The following LAMA5 variants were observed in gnomAD, a reference collection of about 807,000 sequenced individuals.
LAMA5 encodes laminin subunit alpha 5.
LAMA5 carries 260 observed loss-of-function variants against 433.4 expected under a neutral mutation model. The ratio of observed to expected loss-of-function variants is 0.60; its 90% CI spans 0.54 to 0.66. The LOEUF is 0.66. Ranked by LOEUF, LAMA5 falls within the 30% of genes least tolerant of loss-of-function variation. The pLI is 0.00. For missense variants in LAMA5, 5,378 were observed against 5,258.5 expected (o/e 1.02, Z -0.70); for synonymous variants, 2,620 against 2,226.6 (o/e 1.18, Z -4.97).
chr20:62,311,816 T>TGGGCCCCCCG, intron 70 of LAMA5, 32 bp from the exon 71 acceptor site: 1 of 1,521,012 alleles, frequency 6.6e-7, no homozygotes, highest in Non-Finnish European at 8.9e-7. Flanking sequence ...GCTCGGTTTT[T>TGGGCCCCCCG]CCCCACCCTG....
chr20:62,327,141 C>A (rs3810544), intron 38 of LAMA5, 92 bp downstream of exon 38: 11 of 1,311,004 alleles, frequency 8.4e-6, no homozygotes, highest in South Asian at 1.5e-5. Flanking sequence ...GGAGCTCCCC[C>A]TCCCTGGACA....
intron 68 of LAMA5, 32 bp downstream of exon 68, chr20:62,312,368 A>G (rs1359591331): frequency 6.2e-7 from 1 of 1,601,002 alleles, no homozygotes; most frequent in Non-Finnish European, 8.5e-7. Flanking sequence ...ATGTCCACAG[A>G]TGCCACCCCC....
intron 51 of LAMA5, 79 bp downstream of exon 51, chr20:62,319,605 G>C (rs562496244): frequency 4.9e-6 from 5 of 1,010,790 alleles, no homozygotes; most frequent in Non-Finnish European, 5.9e-6. Flanking sequence ...TCCAGGCCAA[G>C]CTCGGCCAGG....
chr20:62,322,406 C>T lies in LAMA5; in HGVS notation c.6209G>A (p.Cys2070Tyr), dbSNP rs982489056. Residue 2070 changes from cysteine to tyrosine, a missense_variant, in exon 47 of 80, where the codon TGT (cysteine) becomes TAT (tyrosine). Cys to Tyr is a radical substitution (Grantham distance 194). Coordinates refer to ENST00000252999, the MANE Select transcript of LAMA5 (RefSeq NM_005560.6). Reference sequence around the variant, plus strand: ...GCCCTCGGCGGCCGGTCCACAAGCACACGGGCGGCAGCCCCCGCAGCCATC... The same window carrying T: ...GCCCTCGGCGGCCGGTCCACAAGCATACGGGCGGCAGCCCCCGCAGCCATC... Reference protein sequence around the residue: ...GFDGCGGCRPCACGPAAEGSE... With the variant: ...GFDGCGGCRPYACGPAAEGSE... The T allele has an allele frequency of 1.3e-6, 2 of 1,593,584 alleles. No homozygotes were observed. Among genetic ancestry groups the T allele is most frequent in the African/African-American group, 1.3e-5 (1 of 74,556 alleles).
rs62204515 is a variant in LAMA5, at chr20:62,323,304, G to A, written c.6064+152C>T. 143,245 of 671,534 alleles carry A rather than the reference G, an allele frequency of 0.21. 15,859 individuals carry two copies. The highest frequency in any genetic ancestry group is 0.24 in the African/African-American group (13,192 of 54,474). The allele number at this position is 671,534 out of a possible 1,614,324, so 41.6% of individuals were successfully genotyped here. On this transcript the variant is annotated intron_variant, in intron 45 of 79. Coordinates refer to ENST00000252999, the MANE Select transcript of LAMA5 (RefSeq NM_005560.6). Reference sequence around the variant, plus strand: ...GGACCGGATCATAGCGGGGGAGAAAGGGTTGACCATGAACCCAGAAGGCTG... The same window carrying A: ...GGACCGGATCATAGCGGGGGAGAAAAGGTTGACCATGAACCCAGAAGGCTG...
rs771613583 is a variant in LAMA5 at position 62,333,237 on chromosome 20, G to C, written c.3135C>G (p.Leu1045=). The change falls in exon 26 of 80, where the codon CTC becomes CTG. Residue 1045 remains leucine (L), a synonymous_variant. Transcript: ENST00000252999. ...CATCCAGGGGGAGGTGTGTGTAGAG[G>C]AGGCAGCTGGGGGGACACAGGCCGT... The part of the protein sequence containing the change: ...PSAQQSGDNC[L]LYTHLPLDGF... 38 of 1,546,350 alleles carry C rather than the reference G, an allele frequency of 2.5e-5. No individual in the cohort carries two copies. The highest frequency in any genetic ancestry group is 3.2e-5 in the Non-Finnish European group (37 of 1,144,028).
In LAMA5 at chr20:62,337,869, G is replaced by C. The variant is rs917054745; in HGVS notation, c.1961C>G (p.Pro654Arg). 6.2e-7 allele frequency: 1 copy of C among 1,612,604 alleles called. No homozygotes were observed. Among genetic ancestry groups the C allele is most frequent in the Non-Finnish European group, 8.5e-7 (1 of 1,179,890 alleles). Residue 654 changes from proline to arginine, a missense_variant, in exon 15 of 80, where the codon CCC becomes CGC. Transcript: ENST00000252999. ...CTGGCAGGCAGTGCCTGTGTAGCCG[G>C]GGCGGCAGCGGCACAAACCTCCCGC... ...CGAGGLCRCR[P>R]GYTGTACQEC... is the part of the protein sequence containing the mutation.
At position 62,318,471 on chromosome 20, in the gene LAMA5, G is replaced by A. The variant is rs201111971; in HGVS notation, c.7222C>T (p.Arg2408Cys). 1.2e-4 allele frequency: 187 copies of A among 1,606,074 alleles called. No individual in the cohort carries two copies. The highest frequency in any genetic ancestry group is 2.1e-4 in the South Asian group (19 of 91,024). Residue 2408 changes from arginine (R) to cysteine (C), a missense_variant, in exon 53 of 80, where the codon CGC becomes TGC. Physicochemically the swap from Arg to Cys is radical, Grantham distance 180. Transcript: ENST00000252999. Reference protein sequence around the residue: ...AQELNSRNQERLEEALQRKQE... With the variant: ...AQELNSRNQECLEEALQRKQE... The stretch of plus-strand genomic sequence containing the variant: ...GTCCTCACCAGGGCTTCCTCCAGGC[G>A]CTCCTGGTTGCGGCTGTTGAGCTCC...
At position 62,335,180 on chromosome 20, in the gene LAMA5, G is replaced by A. The variant is rs1438870748; in HGVS notation, c.2376+37C>T. The A allele has an allele frequency of 1.9e-6, 3 of 1,612,368 alleles. No individual in the cohort carries two copies. In the East Asian group the frequency reaches 6.7e-5, roughly 36 times the overall value. On this transcript the variant is annotated intron_variant, in intron 19 of 79. Transcript: ENST00000252999. ...GGCAGGGGAGGGTCCTGACCAGTGT[G>A]CCCCCAAATCCCCCACACCTTGGTC...
chr20:62,336,772 G>T lies in LAMA5; in HGVS notation c.2179C>A (p.Pro727Thr). The T allele has an allele frequency of 6.2e-7, 1 of 1,612,860 alleles. No individual in the cohort carries two copies. Among genetic ancestry groups the T allele is most frequent in the Non-Finnish European group, 8.5e-7 (1 of 1,179,978 alleles). ...GGATCCACTGGGGCCAGACCGGCAG[G>T]GTGGCAAGAGCCAGCTGTGAAGAGA... ...FPYCEAGSCH[P>T]AGLAPVDPAL... Residue 727 changes from proline (P) to threonine (T), a missense_variant, in exon 17 of 80, where the codon CCT becomes ACT. Transcript: ENST00000252999.
chr20:62,340,900 T>C (rs1302298507), intron 11 of LAMA5, among the ~76,000 whole-genome samples: 2 of 151,264 alleles, frequency 1.3e-5, no homozygotes, highest in Non-Finnish European at 2.9e-5. Context: ...CCAAGTATGG[T>C]GGTGGGCGCC....
intron 6 of LAMA5, among the ~76,000 whole-genome samples, chr20:62,348,793 TGAAGTG>T (rs1568969259): frequency 6.6e-6 from 1 of 151,882 alleles, no homozygotes; most frequent in Non-Finnish European, 1.5e-5. Flanking sequence ...AGAGATTTAG[TGAAGTG>T]GAAGAGGAGC....
chr20:62,366,505 A>G (rs1180085715), intron 1 of LAMA5, among the ~76,000 whole-genome samples: 4 of 152,084 alleles, frequency 2.6e-5, no homozygotes, highest in Admixed American at 2.6e-4. Flanking sequence ...GGCTAGTGGG[A>G]GCCTCAGGTG....
rs1986221531 is a variant in LAMA5 at position 62,311,114 on chromosome 20, C to T, written c.10089-20G>A. On this transcript the variant is annotated intron_variant, in intron 73 of 79. Transcript: ENST00000252999. ...CTGGGCCTGGAAGCGGAGCTGGCGT[C>T]AGCCTGCGCGGCCCCTCTCAGCCCA... is the stretch of plus-strand genomic sequence containing the variant. 7.7e-6 allele frequency: 12 copies of T among 1,565,452 alleles called. No homozygotes were observed. Among genetic ancestry groups the T allele is most frequent in the Non-Finnish European group, 1.0e-5 (12 of 1,154,040 alleles).
At position 62,327,623 on chromosome 20, in the gene LAMA5, A is replaced by G. The variant is rs1370052480; in HGVS notation, c.4844T>C (p.Phe1615Ser). The change falls in exon 37 of 80, where the codon TTC becomes TCC. Residue 1615 changes from phenylalanine (F) to serine (S), a missense_variant. Phe to Ser is a radical substitution (Grantham distance 155, BLOSUM62 -2). Coordinates refer to ENST00000252999, the MANE Select transcript of LAMA5 (RefSeq NM_005560.6). ...TTTGGGGTTGGCAGCATCCAGTGAG[A>G]AGGTCCCAAGGCTGCACTGGTCACA... ...PKCDQCSLGT[F>S]SLDAANPKGC... 20 of 1,613,030 alleles carry G rather than the reference A, an allele frequency of 1.2e-5. No individual in the cohort carries two copies. Among genetic ancestry groups the G allele is most frequent in the Non-Finnish European group, 1.7e-5 (20 of 1,180,012 alleles).
intron 41 of LAMA5, 82 bp downstream of exon 41, chr20:62,325,234 G>A (rs982806953): frequency 1.8e-5 from 17 of 926,132 alleles, no homozygotes; most frequent in East Asian, 2.7e-5. Context: ...GAGGCAGCAA[G>A]GAAGGGAACA....
At chr20:62,346,427 G>GC (rs1818778230) in intron 9 of LAMA5, 79 bp downstream of exon 9, 2 of 1,443,732 alleles carry the variant, frequency 1.4e-6, no homozygotes, top group Admixed American at 2.1e-5. Context: ...CCCCTCCAAA[G>GC]CAGCCCCAAA....
intron 1 of LAMA5, among the ~76,000 whole-genome samples, chr20:62,365,016 GTCAGCAGACCCGCGGCTC>G (rs1403402588): frequency 7.9e-5 from 12 of 152,260 alleles, no homozygotes; most frequent in African/African-American, 2.7e-4. Context: ...GGCCAGGGCG[GTCAGCAGACCCGCGGCTC>G]TCAGATGAAG....
rs778840696 is a variant in LAMA5 at position 62,338,627 on chromosome 20, C to A, written c.1478-19G>T. Reference sequence around the variant, plus strand: ...TCACAATCTGGAGGGTGGGGACAGGCAGGGGAGTCTCAGATGCCCTGCAGA... The same window carrying A: ...TCACAATCTGGAGGGTGGGGACAGGAAGGGGAGTCTCAGATGCCCTGCAGA... On this transcript the variant is annotated intron_variant, in intron 11 of 79. Coordinates refer to ENST00000252999, the MANE Select transcript of LAMA5 (RefSeq NM_005560.6). 1 of 1,600,102 alleles carries A rather than the reference C, an allele frequency of 6.2e-7. No homozygotes were observed. Among genetic ancestry groups the A allele is most frequent in the Admixed American group, 1.7e-5 (1 of 58,636 alleles).
Sources: allele counts gnomAD v4.1 joint callset (sites outside exome capture counted in the v4.1 genomes callset), GRCh38; gene constraint gnomAD v4.1.1; transcripts MANE v1.5; gene names NCBI Gene and HGNC (gene_info 2026-07-23, HGNC 2026-07-21).